CELF2: variants seen among roughly 807,000 people sequenced by gnomAD.
CELF2 encodes the protein CUGBP Elav-like family member 2, also known as CUG triplet repeat RNA-binding protein 2.
Under a neutral mutation model 62.6 loss-of-function variants are expected in CELF2, and 8 were observed. That is an observed-to-expected ratio of 0.13 (90% CI 0.07 to 0.23). The LOEUF (loss-of-function observed/expected upper bound fraction) is 0.23. Among genes scored for constraint, CELF2 ranks in the 10% least tolerant of loss-of-function variants. The probability of loss-of-function intolerance (pLI) is 1.00; values close to 1 mark genes in which losing one functional copy is unlikely to be tolerated. For synonymous variants in CELF2, 258 were observed against 250.0 expected, an observed-to-expected ratio of 1.03 and a Z score of -0.30; for missense variants, 333 against 671.0, an observed-to-expected ratio of 0.50 and a Z score of 5.56.
Position 11,221,937 on chromosome 10 carries a change from A to G in CELF2, c.354+4430A>G, listed in dbSNP as rs529152684. Among the ~76,000 whole-genome samples, 5 of 152,374 alleles carry G rather than the reference A, an allele frequency of 3.3e-5. No individual in the cohort carries two copies. The East Asian group carries it at 9.6e-4, about 29-fold the overall frequency. On this transcript the variant is annotated intron_variant, in intron 3 of 12. Coordinates refer to ENST00000633077, the MANE Select transcript of CELF2 (RefSeq NM_001326342.2). Reference sequence around the variant, plus strand: ...GCGAGGACTGCCAGAGATCTGGGGTAGAAAAACAAATGAGCCTGATCCAAT... The same window carrying G: ...GCGAGGACTGCCAGAGATCTGGGGTGGAAAAACAAATGAGCCTGATCCAAT...
At chr10:11,065,570 G>A (rs1176509454) in intron 1 of CELF2, among the ~76,000 whole-genome samples, 1 of 152,088 alleles carries the variant, frequency 6.6e-6, no homozygotes, top group African/African-American at 2.4e-5. Flanking sequence ...AAATGAGGGG[G>A]GGATCCCACA....
chr10:11,065,536 G>A (rs925164398), intron 1 of CELF2, among the ~76,000 whole-genome samples: 3 of 152,200 alleles, frequency 2.0e-5, no homozygotes, highest in African/African-American at 2.4e-5. Flanking sequence ...AGCTCCAGTC[G>A]TTGTTTGTGA....
chr10:10,661,230 C>T, the CELF2 span, among the ~76,000 whole-genome samples: 24,474 of 152,160 alleles, frequency 0.16, 2,105 homozygotes, highest in South Asian at 0.24. Context: ...ATGGATTACT[C>T]GTCTACGGTA....
At chr10:11,257,634 T>A in intron 4 of CELF2, 104 bp from the exon 5 acceptor site, 1 of 1,339,874 alleles carries the variant, frequency 7.5e-7, no homozygotes, top group Non-Finnish European at 1.0e-6. Context: ...GGACACGTGC[T>A]TGGTCTCACA....
the CELF2 span, among the ~76,000 whole-genome samples, chr10:10,605,258 CT>C: frequency 6.6e-6 from 1 of 151,342 alleles, no homozygotes; most frequent in Non-Finnish European, 1.5e-5. Flanking sequence ...ACAACACACA[CT>C]GAGGCTTGTC....
chr10:10,841,034 T>C lies in CELF2; in HGVS notation c.53+42217T>C, dbSNP rs541972889. Among the ~76,000 whole-genome samples, 5 of 152,354 alleles carry C rather than the reference T, an allele frequency of 3.3e-5. No individual in the cohort carries two copies. In the South Asian group the frequency reaches 1.0e-3, roughly 32 times the overall value. ...AAGGACATGAGCTCATTCTTTTTTA[T>C]GACTGCATAATATTCCTGTTGTATA... On this transcript the variant is annotated intron_variant, in intron 1 of 13. Coordinates refer to the CELF2 transcript ENST00000636488.
At chr10:10,588,565 G>A in the CELF2 span, among the ~76,000 whole-genome samples, 27 of 152,174 alleles carry the variant, frequency 1.8e-4, no homozygotes, top group East Asian at 1.9e-3. Context: ...GCTCAATATG[G>A]TGGTGGGGTG....
rs1439117026 is a variant in CELF2 at position 11,039,632 on chromosome 10, A to C, written c.74+21469A>C. On this transcript the variant is annotated intron_variant, in intron 1 of 12. Coordinates refer to ENST00000633077, the MANE Select transcript of CELF2 (RefSeq NM_001326342.2). The surrounding 1 kb of genome is among the most constrained non-coding windows in gnomAD (Gnocchi z 4.1). The stretch of plus-strand genomic sequence containing the variant: ...AAAACAAGTTCTTGAGTCACAGTTT[A>C]AGGTTCCATTTAAAGCCACTCAATG... Among the ~76,000 whole-genome samples the C allele has an allele frequency of 3.9e-5, 6 of 152,228 alleles. No individual in the cohort carries two copies. The highest frequency in any genetic ancestry group is 3.3e-4 in the Admixed American group (5 of 15,286).
chr10:10,616,691 C>T, the CELF2 span, among the ~76,000 whole-genome samples: 286 of 134,198 alleles, frequency 2.1e-3, 3 homozygotes, highest in South Asian at 0.012. Flanking sequence ...TGTGTGTGTG[C>T]GTGTGTGTGT....
intron 1 of CELF2, among the ~76,000 whole-genome samples, chr10:10,896,598 A>T (rs2134010956): frequency 6.6e-6 from 1 of 152,166 alleles, no homozygotes; most frequent in East Asian, 1.9e-4. Context: ...AACACACAGA[A>T]AAGGACAGGT....
chr10:10,888,414 T>A (rs931209913), intron 1 of CELF2, among the ~76,000 whole-genome samples: 2 of 152,210 alleles, frequency 1.3e-5, no homozygotes, highest in African/African-American at 4.8e-5. Flanking sequence ...ATAACTTTAA[T>A]CATAGCTAAA....
intron 1 of CELF2, among the ~76,000 whole-genome samples, chr10:11,135,242 GC>G (rs1313983139): frequency 6.6e-6 from 1 of 152,198 alleles, no homozygotes; most frequent in Non-Finnish European, 1.5e-5. Flanking sequence ...CTCCAGCAGT[GC>G]CACTGATGTC....
intron 3 of CELF2, among the ~76,000 whole-genome samples, chr10:11,248,192 G>A (rs1349796289): frequency 1.3e-5 from 2 of 152,168 alleles, no homozygotes; most frequent in Non-Finnish European, 2.9e-5. Context: ...GAAATGTGAA[G>A]CAGGAGGACC....
At chr10:10,551,012 T>C in the CELF2 span, among the ~76,000 whole-genome samples, 1 of 152,190 alleles carries the variant, frequency 6.6e-6, no homozygotes, top group Non-Finnish European at 1.5e-5. Context: ...ACTTCTTAAT[T>C]CAGTCCAAAT....
intron 2 of CELF2, among the ~76,000 whole-genome samples, chr10:10,968,643 T>G (rs2050414192): frequency 6.6e-6 from 1 of 152,162 alleles, no homozygotes. Context: ...CTAATTGTAT[T>G]GCACTTCACT....
At chr10:10,622,450 A>G in the CELF2 span, among the ~76,000 whole-genome samples, 1 of 151,388 alleles carries the variant, frequency 6.6e-6, no homozygotes, top group Non-Finnish European at 1.5e-5. Flanking sequence ...CACTACATAC[A>G]TACATACATA....
At chr10:10,955,156 C>G (rs1215441204) in intron 2 of CELF2, among the ~76,000 whole-genome samples, 1 of 152,256 alleles carries the variant, frequency 6.6e-6, no homozygotes, top group Non-Finnish European at 1.5e-5. Context: ...AGATGGTGTT[C>G]TCTCCATGTT....
the CELF2 span, among the ~76,000 whole-genome samples, chr10:10,468,021 G>T: frequency 6.6e-6 from 1 of 151,866 alleles, no homozygotes; most frequent in Non-Finnish European, 1.5e-5. Context: ...ATTAACTGAA[G>T]AAAAAATGGT....
In CELF2 at chr10:11,178,315, C is replaced by T. The variant is rs1225764468; in HGVS notation, c.271+12633C>T. Reference sequence around the variant, plus strand: ...AGGCCACCATACAGCTGCCAGGTGGCGCTGGCTCTTAGCTGTTCTGCAAGT... The same window carrying T: ...AGGCCACCATACAGCTGCCAGGTGGTGCTGGCTCTTAGCTGTTCTGCAAGT... On this transcript the variant is annotated intron_variant, in intron 2 of 12. Coordinates refer to ENST00000633077, the MANE Select transcript of CELF2 (RefSeq NM_001326342.2). The surrounding 1 kb of genome is among the most constrained non-coding windows in gnomAD (Gnocchi z 4.3). Among the ~76,000 whole-genome samples the T allele has an allele frequency of 1.3e-5, 2 of 152,186 alleles. No homozygotes were observed. The highest frequency in any genetic ancestry group is 2.9e-5 in the Non-Finnish European group (2 of 68,034).
Sources: allele counts gnomAD v4.1 joint callset (sites outside exome capture counted in the v4.1 genomes callset), GRCh38; gene constraint gnomAD v4.1.1; non-coding constraint Gnocchi (gnomAD v3.1); transcripts MANE v1.5; gene names NCBI Gene and HGNC (gene_info 2026-07-23, HGNC 2026-07-21).